The following UNC93B1 variants were observed in gnomAD, a reference collection of about 807,000 sequenced individuals.
UNC93B1 encodes protein unc-93 homolog B1.
A neutral mutation model predicts 56.8 loss-of-function variants in UNC93B1; 33 were observed. The ratio of observed to expected loss-of-function variants is 0.58; its 90% CI spans 0.44 to 0.78. UNC93B1 has a LOEUF of 0.78. Ranked by LOEUF, UNC93B1 falls within the 30% of genes least tolerant of loss-of-function variation. UNC93B1 has a pLI of 0.00. For synonymous variants in UNC93B1, 334 were observed against 358.6 expected, an observed-to-expected ratio of 0.93 and a Z score of 0.77; for missense variants, 673 against 819.5, an observed-to-expected ratio of 0.82 and a Z score of 2.18.
In UNC93B1 at chr11:67,999,698, G is replaced by A; in HGVS notation, c.393-18C>T. ...CAAAAAACCTGCGGACAGTGGGAGA[G>A]ATGCTGGCACCACAGGCCTGCTGGA... is the stretch of plus-strand genomic sequence containing the variant. On this transcript the variant is annotated intron_variant, in intron 3 of 10. Transcript: ENST00000227471. 1 of 1,607,682 alleles carries A rather than the reference G, an allele frequency of 6.2e-7. No individual in the cohort carries two copies. The highest frequency in any genetic ancestry group is 8.5e-7 in the Non-Finnish European group (1 of 1,177,486).
chr11:67,991,336 C>G lies in UNC93B1; in HGVS notation c.*210G>C, dbSNP rs964385970. ...GTATTTTCGAACCCCTGTGCTTGGC[C>G]GAGGGGTTCCCAAGGCTCCACTCCG... On this transcript the variant is annotated 3_prime_UTR_variant, in exon 11 of 11. Transcript: ENST00000227471. 7 of 477,576 alleles carry G rather than the reference C, an allele frequency of 1.5e-5. No homozygotes were observed. The South Asian group carries it at 2.9e-4, about 20-fold the overall frequency. 29.6% of individuals were successfully genotyped at this position (477,576 alleles called of 1,614,324 possible).
Position 67,997,704 on chromosome 11 carries a change from T to C in UNC93B1, c.877A>G (p.Met293Val), listed in dbSNP as rs537052532. Residue 293 changes from methionine to valine, a missense_variant, in exon 7 of 11, where the codon ATG becomes GTG. Coordinates refer to ENST00000227471, the MANE Select transcript of UNC93B1 (RefSeq NM_030930.4). ...GNLIVVESVL[M>V]AVAFLAMLLV... ...AGCATGGCCAGGAAGGCCACTGCCA[T>C]GAGCACGCTCTCCACCACAATGAGG... 1.9e-6 allele frequency: 3 copies of C among 1,607,576 alleles called. No homozygotes were observed. Among genetic ancestry groups the C allele is most frequent in the East Asian group, 2.2e-5 (1 of 44,890 alleles).
rs1251806690 is a variant in UNC93B1, at chr11:68,003,949, G to C, written c.95C>G (p.Pro32Arg). The C allele has an allele frequency of 1.4e-5, 19 of 1,380,402 alleles. No individual in the cohort carries two copies. Among genetic ancestry groups the C allele is most frequent in the Non-Finnish European group, 5.6e-6 (6 of 1,062,700 alleles). The allele number at this position is 1,380,402 out of a possible 1,614,324, so 85.5% of individuals were successfully genotyped here. A position where few individuals can be genotyped will look rare whatever the true frequency, so the allele number is the denominator to read the frequency against. ...LLGVPDGPEAPLDELVGAYPN... is the reference protein window; with the variant it reads ...LLGVPDGPEARLDELVGAYPN... ...CTCGCACTCCGGGTCCCCGCTCACC[G>C]GGGCCTCGGGCCCGTCCGGGACCCC... Residue 32 changes from proline (P) to arginine (R), a missense_variant and splice_region_variant, in exon 1 of 11, where the codon CCG becomes CGG. Around this residue, in one of 3 missense-constraint regions of UNC93B1, gnomAD observed 438 missense variants for 465.9 expected, o/e 0.94. Coordinates refer to ENST00000227471, the MANE Select transcript of UNC93B1 (RefSeq NM_030930.4). The surrounding 1 kb of genome is among the most constrained non-coding windows in gnomAD (Gnocchi z 4.4).
At position 67,999,157 on chromosome 11, in the gene UNC93B1, C is replaced by T; in HGVS notation, c.687+16G>A. 1.2e-6 allele frequency: 2 copies of T among 1,613,682 alleles called. No homozygotes were observed. The highest frequency in any genetic ancestry group is 1.7e-6 in the Non-Finnish European group (2 of 1,179,760). On this transcript the variant is annotated intron_variant, in intron 5 of 10. Coordinates refer to ENST00000227471, the MANE Select transcript of UNC93B1 (RefSeq NM_030930.4). ...GTCTGCCCCTGCCACCCAACAATGG[C>T]CCACGTGGCACTCACATGGAAGAAG...
In UNC93B1 at chr11:67,995,882, G is replaced by C; in HGVS notation, c.1092C>G (p.Gly364=). The change falls in exon 9 of 11, where the codon GGC becomes GGG. Residue 364 remains glycine, a splice_region_variant and synonymous_variant. Transcript: ENST00000227471. ...CCAGCCCCACCGAGCACACGCCATA[G>C]CCCTGCGGGGGGACAAGGGGTGAGT... ...VLFACTGIAL[G]YGVCSVGLER... 1 of 1,482,218 alleles carries C rather than the reference G, an allele frequency of 6.7e-7. No individual in the cohort carries two copies. Among genetic ancestry groups the C allele is most frequent in the Non-Finnish European group, 9.0e-7 (1 of 1,111,138 alleles). The allele number at this position is 1,482,218 out of a possible 1,614,324, so 91.8% of individuals were successfully genotyped here.
rs1458712532 is a variant in UNC93B1 at position 67,991,413 on chromosome 11, G to A, written c.*133C>T. On this transcript the variant is annotated 3_prime_UTR_variant, in exon 11 of 11. Coordinates refer to ENST00000227471, the MANE Select transcript of UNC93B1 (RefSeq NM_030930.4). Reference sequence around the variant, plus strand: ...AGGTGACCTGGGCTCTGGGAGGGGCGTCCCCAACGTGGGGGAGGGGAGACA... The same window carrying A: ...AGGTGACCTGGGCTCTGGGAGGGGCATCCCCAACGTGGGGGAGGGGAGACA... 27 of 898,532 alleles carry A rather than the reference G, an allele frequency of 3.0e-5. No homozygotes were observed. Among genetic ancestry groups the A allele is most frequent in the Non-Finnish European group, 3.8e-5 (25 of 653,918 alleles). The allele number at this position is 898,532 out of a possible 1,614,324, so 55.7% of individuals were successfully genotyped here.
At chr11:67,993,844 C>T (rs747522382) in intron 9 of UNC93B1, 50 bp from the exon 10 acceptor site, 5 of 1,146,570 alleles carry the variant, frequency 4.4e-6, no homozygotes, top group Non-Finnish European at 6.3e-6. Flanking sequence ...CACCTGGGGC[C>T]TGGGGCTACC....
Position 68,003,649 on chromosome 11 carries a change from G to A in UNC93B1, c.238+8C>T, listed in dbSNP as rs1300391145. 3 of 1,518,886 alleles carry A rather than the reference G, an allele frequency of 2.0e-6. No homozygotes were observed. Among genetic ancestry groups the A allele is most frequent in the Non-Finnish European group, 2.6e-6 (3 of 1,139,412 alleles). The allele number at this position is 1,518,886 out of a possible 1,614,324, so 94.1% of individuals were successfully genotyped here. A position where few individuals can be genotyped will look rare whatever the true frequency, so the allele number is the denominator to read the frequency against. On this transcript the variant is annotated splice_region_variant and intron_variant, in intron 2 of 10. Transcript: ENST00000227471. This position sits in a 1 kb window ranked among gnomAD's most constrained non-coding sequence, Gnocchi z 4.4. ...CGGGGCGGCCCCGGGTCCCCGAGCG[G>A]CACCTACCCAGGTAGACGCCGTAGG...
intron 7 of UNC93B1, among the ~76,000 whole-genome samples, 177 bp from the exon 8 acceptor site, chr11:67,996,961 C>T (rs1044597166): frequency 6.6e-6 from 1 of 151,750 alleles, no homozygotes; most frequent in African/African-American, 2.4e-5. Context: ...CTTATCCCAG[C>T]TCAAGGCCCC....
chr11:68,003,062 T>C lies in UNC93B1; in HGVS notation c.352A>G (p.Thr118Ala). ...GTGTAGAGCAGGGCGGCGATGGGAGTCACGTTGATGCCCATCAGCATTTTG... is the reference window on the plus strand; with the variant it reads ...GTGTAGAGCAGGGCGGCGATGGGAGCCACGTTGATGCCCATCAGCATTTTG... Reference protein sequence around the residue: ...DSKMLMGINVTPIAALLYTPV... With the variant: ...DSKMLMGINVAPIAALLYTPV... The change falls in exon 3 of 11, where the codon ACT becomes GCT. Residue 118 changes from threonine (T) to alanine (A), a missense_variant. Coordinates refer to ENST00000227471, the MANE Select transcript of UNC93B1 (RefSeq NM_030930.4). The surrounding 1 kb of genome is among the most constrained non-coding windows in gnomAD (Gnocchi z 4.4). 6.2e-7 allele frequency: 1 copy of C among 1,610,834 alleles called. No homozygotes were observed. The highest frequency in any genetic ancestry group is 8.5e-7 in the Non-Finnish European group (1 of 1,178,892).
Position 68,003,234 on chromosome 11 carries a change from C to T in UNC93B1, c.239-59G>A. 1 of 1,496,954 alleles carries T rather than the reference C, an allele frequency of 6.7e-7. No homozygotes were observed. The highest frequency in any genetic ancestry group is 2.5e-5 in the East Asian group (1 of 40,302). 92.7% of individuals were successfully genotyped at this position (1,496,954 alleles called of 1,614,324 possible). The stretch of plus-strand genomic sequence containing the variant: ...CAGCCTAGCTTTGGGCGCCACCGAG[C>T]AGAAGACGGCATGCAGGCCTCGCAG... On this transcript the variant is annotated intron_variant, in intron 2 of 10. Coordinates refer to ENST00000227471, the MANE Select transcript of UNC93B1 (RefSeq NM_030930.4). This position sits in a 1 kb window ranked among gnomAD's most constrained non-coding sequence, Gnocchi z 4.4.
At position 68,003,733 on chromosome 11, in the gene UNC93B1, G is replaced by A. The variant is rs1381648714; in HGVS notation, c.162C>T (p.Arg54=). 6.6e-7 allele frequency: 1 copy of A among 1,526,372 alleles called. No individual in the cohort carries two copies. Among genetic ancestry groups the A allele is most frequent in the Admixed American group, 2.0e-5 (1 of 50,228 alleles). The allele number at this position is 1,526,372 out of a possible 1,614,324, so 94.6% of individuals were successfully genotyped here. A position where few individuals can be genotyped will look rare whatever the true frequency, so the allele number is the denominator to read the frequency against. The change falls in exon 2 of 11, where the codon CGC becomes CGT. Residue 54 remains arginine, a synonymous_variant. Coordinates refer to ENST00000227471, the MANE Select transcript of UNC93B1 (RefSeq NM_030930.4). This position sits in a 1 kb window ranked among gnomAD's most constrained non-coding sequence, Gnocchi z 4.4. ...TCTTGAGCACGCCCAGGCGCTTGCGGCGGTAGTAGCGGCGCTCCTCCTCCT... is the reference window on the plus strand; with the variant it reads ...TCTTGAGCACGCCCAGGCGCTTGCGACGGTAGTAGCGGCGCTCCTCCTCCT... The part of the protein sequence containing the change: ...NEEEEERRYY[R]RKRLGVLKNV...
Position 68,003,293 on chromosome 11 carries a change from A to G in UNC93B1, c.239-118T>C. The G allele has an allele frequency of 8.0e-7, 1 of 1,249,104 alleles. No individual in the cohort carries two copies. The highest frequency in any genetic ancestry group is 1.1e-6 in the Non-Finnish European group (1 of 933,724). 77.4% of individuals were successfully genotyped at this position (1,249,104 alleles called of 1,614,324 possible). Reference sequence around the variant, plus strand: ...AATCACCGAAGGCATTCCCGCTGACAGCGCCCCTCAGGACAGCGGGGTTCC... The same window carrying G: ...AATCACCGAAGGCATTCCCGCTGACGGCGCCCCTCAGGACAGCGGGGTTCC... On this transcript the variant is annotated intron_variant, in intron 2 of 10. Coordinates refer to ENST00000227471, the MANE Select transcript of UNC93B1 (RefSeq NM_030930.4). This position sits in a 1 kb window ranked among gnomAD's most constrained non-coding sequence, Gnocchi z 4.4.
In UNC93B1 at chr11:68,003,141, G is replaced by C. The variant is rs752299524; in HGVS notation, c.273C>G (p.Asp91Glu). 4.1e-5 allele frequency: 66 copies of C among 1,613,076 alleles called. No homozygotes were observed. Among genetic ancestry groups the C allele is most frequent in the Non-Finnish European group, 5.4e-5 (64 of 1,179,820 alleles). ...CATACTTCACCTCGCGGTAGGTCTC[G>C]TCGTAGTGCAGGATCAGCTGCATCT... ...LLQMQLILHY[D>E]ETYREVKYGN... is the part of the protein sequence containing the mutation. Residue 91 changes from aspartate (D) to glutamate (E), a missense_variant, in exon 3 of 11, where the codon GAC (aspartate) becomes GAG (glutamate). Asp to Glu is a conservative substitution (Grantham distance 45, BLOSUM62 2). Around this residue, in one of 3 missense-constraint regions of UNC93B1, gnomAD observed 438 missense variants for 465.9 expected, o/e 0.94. Transcript: ENST00000227471. The surrounding 1 kb of genome is among the most constrained non-coding windows in gnomAD (Gnocchi z 4.4).
In UNC93B1 at chr11:67,999,799, G is replaced by A. The variant is rs1402995737; in HGVS notation, c.393-119C>T. ...AGGGCTTTGTGAGGTAGAGAGAGTC[G>A]AGGGCACTGAGATGGAATATCAGAT... On this transcript the variant is annotated intron_variant, in intron 3 of 10. Transcript: ENST00000227471. 11 of 1,327,208 alleles carry A rather than the reference G, an allele frequency of 8.3e-6. No homozygotes were observed. The South Asian group carries it at 8.8e-5, about 11-fold the overall frequency. 82.2% of individuals were successfully genotyped at this position (1,327,208 alleles called of 1,614,324 possible). A position where few individuals can be genotyped will look rare whatever the true frequency, so the allele number is the denominator to read the frequency against.
At chr11:67,993,950 C>A (rs1856891151) in intron 9 of UNC93B1, among the ~76,000 whole-genome samples, 156 bp from the exon 10 acceptor site, 1 of 152,192 alleles carries the variant, frequency 6.6e-6, no homozygotes, top group Non-Finnish European at 1.5e-5. Context: ...CTGGCCTGCC[C>A]CCTGGTGGAG....
At chr11:68,002,271 T>C (rs935204090) in intron 3 of UNC93B1, among the ~76,000 whole-genome samples, 1 of 151,254 alleles carries the variant, frequency 6.6e-6, no homozygotes, top group Non-Finnish European at 1.5e-5. Context: ...ATGTAATCCA[T>C]GCATGCTGGT....
At position 68,004,079 on chromosome 11, in the gene UNC93B1, G is replaced by A; in HGVS notation, c.-36C>T. 3.1e-6 allele frequency: 4 copies of A among 1,298,664 alleles called. No homozygotes were observed. Among genetic ancestry groups the A allele is most frequent in the Non-Finnish European group, 2.9e-6 (3 of 1,021,168 alleles). The allele number at this position is 1,298,664 out of a possible 1,614,324, so 80.4% of individuals were successfully genotyped here. ...ACTGCGGACTCGCGGCGGTCGCCCC[G>A]GAGTCCCTGCGACCGCCCGGCCACT... On this transcript the variant is annotated 5_prime_UTR_variant, in exon 1 of 11. Coordinates refer to ENST00000227471, the MANE Select transcript of UNC93B1 (RefSeq NM_030930.4).
At chr11:67,996,879 T>G in intron 7 of UNC93B1, 95 bp from the exon 8 acceptor site, 1 of 1,388,502 alleles carries the variant, frequency 7.2e-7, no homozygotes, top group Non-Finnish European at 9.4e-7. Context: ...TGCCTGGGCC[T>G]TGCCCCAGCT....
Sources: allele counts gnomAD v4.1 joint callset (sites outside exome capture counted in the v4.1 genomes callset), GRCh38; gene constraint gnomAD v4.1.1; regional missense constraint gnomAD v4.1.1; non-coding constraint Gnocchi (gnomAD v3.1); transcripts MANE v1.5; gene names NCBI Gene and HGNC (gene_info 2026-07-23, HGNC 2026-07-21).